FRY: variants seen among roughly 807,000 people sequenced by gnomAD.
The protein encoded by FRY is protein furry homolog.
A neutral mutation model predicts 348.4 loss-of-function variants in FRY; 128 were observed. The observed-to-expected ratio is 0.37, with a 90% CI of 0.32 to 0.43. The LOEUF (loss-of-function observed/expected upper bound fraction) is 0.43. FRY is among the 20% of genes least tolerant of loss of function. The probability of loss-of-function intolerance (pLI) is 1.00; values close to 1 mark genes in which losing one functional copy is unlikely to be tolerated. For missense variants in FRY, 2,736 were observed against 3,695.2 expected, an observed-to-expected ratio of 0.74 and a Z score of 6.73; for synonymous variants, 1,370 against 1,374.7, an observed-to-expected ratio of 1.00 and a Z score of 0.08.
intron 38 of FRY, among the ~76,000 whole-genome samples, 178 bp downstream of exon 38, chr13:32,225,214 T>A (rs1420219848): frequency 2.0e-5 from 3 of 152,246 alleles, no homozygotes; most frequent in Non-Finnish European, 4.4e-5. Context: ...ACTTGGTCAC[T>A]GTTTGAAATT....
At chr13:32,148,469 C>T (rs1306896390) in intron 13 of FRY, among the ~76,000 whole-genome samples, 1 of 152,186 alleles carries the variant, frequency 6.6e-6, no homozygotes, top group Non-Finnish European at 1.5e-5. Flanking sequence ...GACTTAAAAA[C>T]AGGTCCAGTA....
intron 17 of FRY, among the ~76,000 whole-genome samples, chr13:32,168,468 T>C (rs1013038126): frequency 6.6e-6 from 1 of 152,200 alleles, no homozygotes; most frequent in African/African-American, 2.4e-5. Context: ...CCCAGCCAAG[T>C]TGACACATAA....
chr13:32,124,613 T>C lies in FRY; in HGVS notation c.567T>C (p.His189=). The change falls in exon 6 of 61, where the codon CAT becomes CAC. Residue 189 remains histidine (H), a synonymous_variant. Coordinates refer to ENST00000542859, the MANE Select transcript of FRY (RefSeq NM_023037.3). ...CCTTTTTTTTTCAGATTCCACTTCA[T>C]CCTGTAATAGACAGTTTAATACATG... ...LIEVLKQIPL[H]PVIDSLIHDV... 6.3e-7 allele frequency: 1 copy of C among 1,587,610 alleles called. No homozygotes were observed. Among genetic ancestry groups the C allele is most frequent in the Non-Finnish European group, 8.6e-7 (1 of 1,156,382 alleles).
In FRY at chr13:32,116,873, C is replaced by T. The variant is rs189605792; in HGVS notation, c.325-461C>T. On this transcript the variant is annotated intron_variant, in intron 3 of 60. Coordinates refer to ENST00000542859, the MANE Select transcript of FRY (RefSeq NM_023037.3). Reference sequence around the variant, plus strand: ...AAATTAATGAATGAATAATTATTGTCCAAAACCATACATTATTATTACCAC... The same window carrying T: ...AAATTAATGAATGAATAATTATTGTTCAAAACCATACATTATTATTACCAC... Among the ~76,000 whole-genome samples the T allele has an allele frequency of 5.5e-4, 84 of 152,130 alleles. 1 individual carries two copies. The East Asian group carries it at 0.01, about 19-fold the overall frequency.
chr13:32,091,227 A>C (rs369825770), intron 2 of FRY, among the ~76,000 whole-genome samples: 14 of 152,298 alleles, frequency 9.2e-5, no homozygotes, highest in African/African-American at 3.1e-4. Flanking sequence ...GGTGATGTCC[A>C]TTTTTACAAA....
chr13:32,101,281 T>C (rs1350783191), intron 2 of FRY, among the ~76,000 whole-genome samples: 1 of 152,202 alleles, frequency 6.6e-6, no homozygotes, highest in East Asian at 1.9e-4. Context: ...GTCCATGTTG[T>C]CAAAAATAAC....
intron 28 of FRY, among the ~76,000 whole-genome samples, chr13:32,188,140 A>G (rs1356634394): frequency 6.6e-6 from 1 of 152,164 alleles, no homozygotes; most frequent in East Asian, 1.9e-4. Context: ...GAGGACTTCA[A>G]AAAGTTTTGT....
intron 52 of FRY, 135 bp from the exon 53 acceptor site, chr13:32,262,179 A>G (rs1887684223): frequency 6.9e-6 from 5 of 719,990 alleles, no homozygotes; most frequent in Admixed American, 4.2e-5. Context: ...ACTAGCTGCT[A>G]TGTTTAAGGC....
intron 1 of FRY, among the ~76,000 whole-genome samples, chr13:32,061,367 C>A (rs958809649): frequency 1.3e-5 from 2 of 152,082 alleles, no homozygotes; most frequent in Non-Finnish European, 2.9e-5. Context: ...ATTTTGGAGG[C>A]AAGATGTCCT....
At chr13:32,281,078 CTT>C (rs1173565873) in intron 58 of FRY, among the ~76,000 whole-genome samples, 1 of 152,142 alleles carries the variant, frequency 6.6e-6, no homozygotes, top group East Asian at 1.9e-4. Context: ...CTCTCCCTCT[CTT>C]TTCTTATGTT....
At chr13:32,062,048 C>A (rs1380333264) in intron 1 of FRY, among the ~76,000 whole-genome samples, 3 of 151,998 alleles carry the variant, frequency 2.0e-5, no homozygotes, top group African/African-American at 7.2e-5. Flanking sequence ...TTCCACTGCA[C>A]TATCTCTAAT....
intron 21 of FRY, 107 bp from the exon 22 acceptor site, chr13:32,178,737 G>A (rs1019395180): frequency 2.7e-5 from 22 of 811,370 alleles, no homozygotes; most frequent in African/African-American, 1.4e-4. Flanking sequence ...ATTCTTAATC[G>A]ACAGTTGTTC....
chr13:32,242,266 C>T (rs1886548850), intron 46 of FRY, among the ~76,000 whole-genome samples: 1 of 152,108 alleles, frequency 6.6e-6, no homozygotes, highest in African/African-American at 2.4e-5. Flanking sequence ...TTATTCAGTC[C>T]TGTGGCATGG....
chr13:32,049,300 G>A (rs569414743), intron 1 of FRY, among the ~76,000 whole-genome samples: 2 of 152,292 alleles, frequency 1.3e-5, no homozygotes, highest in African/African-American at 2.4e-5. Context: ...CTGAGGGAAT[G>A]ACAACTGGAT....
rs1886863430 is a variant in FRY at position 32,247,346 on chromosome 13, G to A, written c.6852G>A (p.Leu2284=). Residue 2284 remains leucine (L), a synonymous_variant, in exon 48 of 61, where the codon CTG becomes CTA. Coordinates refer to ENST00000542859, the MANE Select transcript of FRY (RefSeq NM_023037.3). ...YVQSVHWREA[L]NILKLVVSRS... ...AGAGTGTTCACTGGAGAGAAGCTCT[G>A]AATATCTTGAAGCTGGTAGTTTCTC... 1.9e-6 allele frequency: 3 copies of A among 1,613,500 alleles called. No homozygotes were observed. The highest frequency in any genetic ancestry group is 2.5e-6 in the Non-Finnish European group (3 of 1,179,536).
intron 1 of FRY, among the ~76,000 whole-genome samples, chr13:32,063,060 C>T (rs1300386385): frequency 2.6e-5 from 4 of 152,000 alleles, no homozygotes; most frequent in Non-Finnish European, 5.9e-5. Flanking sequence ...AACAAAGACA[C>T]CTGTAAGATT....
At chr13:32,096,709 A>G (rs1034326281) in intron 2 of FRY, among the ~76,000 whole-genome samples, 8 of 148,610 alleles carry the variant, frequency 5.4e-5, no homozygotes, top group African/African-American at 2.0e-4. Flanking sequence ...AGGCTGAGGC[A>G]GGAGAATCTC....
intron 1 of FRY, among the ~76,000 whole-genome samples, chr13:32,057,677 C>T (rs1873709386): frequency 6.6e-6 from 1 of 152,072 alleles, no homozygotes; most frequent in African/African-American, 2.4e-5. Flanking sequence ...TATTCGCAGT[C>T]AGCCGGGCAT....
chr13:32,225,475 T>G (rs1469924383), intron 38 of FRY, among the ~76,000 whole-genome samples: 1 of 152,072 alleles, frequency 6.6e-6, no homozygotes, highest in Non-Finnish European at 1.5e-5. Flanking sequence ...ACTAATAAAA[T>G]TAGAATCTTT....
Sources: allele counts gnomAD v4.1 joint callset (sites outside exome capture counted in the v4.1 genomes callset), GRCh38; gene constraint gnomAD v4.1.1; transcripts MANE v1.5; gene names NCBI Gene and HGNC (gene_info 2026-07-23, HGNC 2026-07-21).